Variants in CLTC observed in about 807,000 individuals in gnomAD.
CLTC encodes the protein clathrin heavy chain.
CLTC carries 16 observed loss-of-function variants against 195.8 expected under a neutral mutation model. The ratio of observed to expected loss-of-function variants is 0.08; its 90% confidence interval spans 0.06 to 0.12. The LOEUF is 0.12. Ranked by LOEUF, CLTC falls within the 10% of genes least tolerant of loss-of-function variation. The probability of loss-of-function intolerance (pLI) is 1.00; values close to 1 mark genes in which losing one functional copy is unlikely to be tolerated. For missense variants in CLTC, 796 were observed against 2,027.0 expected, an observed-to-expected ratio of 0.39 and a Z score of 11.66; for synonymous variants, 667 against 689.4, an observed-to-expected ratio of 0.97 and a Z score of 0.51.
chr17:59,693,878 C>T lies in CLTC; in HGVS notation c.*26C>T. On this transcript the variant is annotated 3_prime_UTR_variant, in exon 32 of 32. Transcript: ENST00000269122. ...GATGAAGCGCTGATCCTGTAGTCAC[C>T]TATTTTCGTACTGAAACATCGTCTT... 1 of 1,585,072 alleles carries T rather than the reference C, an allele frequency of 6.3e-7. No homozygotes were observed. Among genetic ancestry groups the T allele is most frequent in the East Asian group, 2.3e-5 (1 of 43,028 alleles).
rs747732580 is a variant in CLTC at position 59,695,029 on chromosome 17, C to T, written c.*1177C>T. The T allele has an allele frequency of 2.1e-4, 44 of 211,714 alleles. No homozygotes were observed. The highest frequency in any genetic ancestry group is 1.5e-3 in the Middle Eastern group (1 of 676). 13.1% of individuals were successfully genotyped at this position (211,714 alleles called of 1,614,324 possible). On this transcript the variant is annotated 3_prime_UTR_variant, in exon 32 of 32. Coordinates refer to ENST00000269122, the MANE Select transcript of CLTC (RefSeq NM_004859.4). ...CTCCAATATTTTAACCAAGTGACACCGAGGTTTTTATCGAAGCATTTCACT... is the reference window on the plus strand; with the variant it reads ...CTCCAATATTTTAACCAAGTGACACTGAGGTTTTTATCGAAGCATTTCACT...
chr17:59,696,191 C>A lies in CLTC; in HGVS notation c.*2339C>A. 9.1e-6 allele frequency: 2 copies of A among 219,880 alleles called. No individual in the cohort carries two copies. The highest frequency in any genetic ancestry group is 1.8e-5 in the Non-Finnish European group (2 of 109,642). The allele number at this position is 219,880 out of a possible 1,614,324, so 13.6% of individuals were successfully genotyped here. ...GTTGCATTTTGTTGCATCACTTTTG[C>A]AGCCAGTAAACATTCTGTTTAGAAA... On this transcript the variant is annotated 3_prime_UTR_variant, in exon 32 of 32. Transcript: ENST00000269122.
intron 31 of CLTC, among the ~76,000 whole-genome samples, chr17:59,690,994 A>G (rs2033284493): frequency 1.3e-5 from 2 of 152,236 alleles, no homozygotes; most frequent in African/African-American, 2.4e-5. Context: ...CTCATAAATT[A>G]CTGAAAAAGA....
At position 59,657,040 on chromosome 17, in the gene CLTC, T is replaced by A. The variant is rs2032488050; in HGVS notation, c.969+1013T>A. On this transcript the variant is annotated intron_variant, in intron 6 of 31. Transcript: ENST00000269122. The stretch of plus-strand genomic sequence containing the variant: ...TTTTCTGAAAAATGGCTAAACATTT[T>A]AAAAATACTGTTACTGGTCTTGCCT... 2.0e-5 allele frequency among the ~76,000 whole-genome samples: 3 copies of A among 152,318 alleles called. No individual in the cohort carries two copies. In the South Asian group the frequency reaches 6.2e-4, roughly 32 times the overall value.
chr17:59,620,206 GAGA>G, intron 1 of CLTC, 33 bp downstream of exon 1: 5 of 1,612,728 alleles, frequency 3.1e-6, no homozygotes, highest in Non-Finnish European at 4.2e-6. Flanking sequence ...GAGGGCTGTG[GAGA>G]AGGTGGTAGG....
chr17:59,668,672 TA>T (rs2032783125), intron 13 of CLTC, 104 bp from the exon 14 acceptor site: 4 of 944,536 alleles, frequency 4.2e-6, no homozygotes, highest in Admixed American at 6.5e-5. Flanking sequence ...GCAACCAACT[TA>T]TATTTGGGAG....
chr17:59,690,662 A>G lies in CLTC; in HGVS notation c.4854A>G (p.Ser1618=). The part of the protein sequence containing the change: ...TKVDKLDASE[S]LRKEEEQATE... ...TGGATAAATTAGATGCTTCAGAATC[A>G]CTGAGAAAAGAAGAAGAACAAGCTA... The change falls in exon 31 of 32, where the codon TCA becomes TCG. Residue 1618 remains serine, a synonymous_variant. Coordinates refer to ENST00000269122, the MANE Select transcript of CLTC (RefSeq NM_004859.4). The G allele has an allele frequency of 1.2e-6, 2 of 1,613,354 alleles. No individual in the cohort carries two copies. Among genetic ancestry groups the G allele is most frequent in the Non-Finnish European group, 1.7e-6 (2 of 1,179,606 alleles).
At chr17:59,665,603 C>A (rs575015144) in intron 10 of CLTC, among the ~76,000 whole-genome samples, 56 of 152,144 alleles carry the variant, frequency 3.7e-4, no homozygotes, top group African/African-American at 1.2e-3. Flanking sequence ...CTTTGGGAGG[C>A]TGAGGTGGGC....
chr17:59,658,124 A>G (rs927799769), intron 6 of CLTC, among the ~76,000 whole-genome samples: 2 of 151,886 alleles, frequency 1.3e-5, no homozygotes, highest in African/African-American at 4.8e-5. Flanking sequence ...AATTGCTTGA[A>G]CCCATGAGGC....
chr17:59,673,543 G>A, intron 14 of CLTC, 104 bp from the exon 15 acceptor site: 4 of 793,018 alleles, frequency 5.0e-6, no homozygotes, highest in East Asian at 2.6e-5. Flanking sequence ...AGCTATGTTT[G>A]TGTGAGCCTC....
At position 59,666,604 on chromosome 17, in the gene CLTC, T is replaced by C; in HGVS notation, c.1907T>C (p.Ile636Thr). The change falls in exon 12 of 32, where the codon ATA (isoleucine) becomes ACA (threonine). Residue 636 changes from isoleucine to threonine, a missense_variant. Transcript: ENST00000269122. The surrounding 1 kb of genome is among the most constrained non-coding windows in gnomAD (Gnocchi z 4.9). ...ALEHFTDLYD[I>T]KRAVVHTHLL... ...GAACATTTCACTGATTTATATGATA[T>C]AAAACGTGCAGTGGTTCACACCCAT... is the stretch of plus-strand genomic sequence containing the variant. 1 of 1,614,026 alleles carries C rather than the reference T, an allele frequency of 6.2e-7. No individual in the cohort carries two copies. Among genetic ancestry groups the C allele is most frequent in the Non-Finnish European group, 8.5e-7 (1 of 1,179,962 alleles).
chr17:59,674,577 A>C lies in CLTC; in HGVS notation c.2419-124A>C, dbSNP rs2032923826. On this transcript the variant is annotated intron_variant, in intron 15 of 31. Transcript: ENST00000269122. Reference sequence around the variant, plus strand: ...ATTTAGACCCTCAGTTTATTACTGAATTTAAAAACTGAACTTAAAGAAAAA... The same window carrying C: ...ATTTAGACCCTCAGTTTATTACTGACTTTAAAAACTGAACTTAAAGAAAAA... 3 of 837,192 alleles carry C rather than the reference A, an allele frequency of 3.6e-6. No individual in the cohort carries two copies. In the East Asian group the frequency reaches 8.4e-5, roughly 23 times the overall value. 51.9% of individuals were successfully genotyped at this position (837,192 alleles called of 1,614,324 possible). A position where few individuals can be genotyped will look rare whatever the true frequency, so the allele number is the denominator to read the frequency against.
chr17:59,667,642 TC>T (rs1376875870), intron 13 of CLTC, among the ~76,000 whole-genome samples: 1 of 152,196 alleles, frequency 6.6e-6, no homozygotes, highest in Admixed American at 6.5e-5. Flanking sequence ...AGAGGGGTGT[TC>T]CTGTACATGT....
At chr17:59,653,547 C>A (rs1038785927) in intron 5 of CLTC, among the ~76,000 whole-genome samples, 2 of 150,996 alleles carry the variant, frequency 1.3e-5, no homozygotes, top group African/African-American at 4.9e-5. Context: ...CTCTTTCTTT[C>A]CCTTTCCCTC....
intron 1 of CLTC, among the ~76,000 whole-genome samples, chr17:59,635,174 A>G (rs1369776368): frequency 6.6e-6 from 1 of 151,662 alleles, no homozygotes; most frequent in African/African-American, 2.4e-5. Flanking sequence ...AAATAGCTCC[A>G]TCTGAAAAAC....
At chr17:59,620,922 C>T (rs1319152748) in intron 1 of CLTC, among the ~76,000 whole-genome samples, 2 of 152,148 alleles carry the variant, frequency 1.3e-5, no homozygotes, top group Admixed American at 6.5e-5. Flanking sequence ...GGCTCTTAAC[C>T]CCTCTTTGGT....
chr17:59,674,998 CT>C (rs575649163), intron 16 of CLTC, among the ~76,000 whole-genome samples, 155 bp downstream of exon 16: 32 of 152,216 alleles, frequency 2.1e-4, no homozygotes, highest in Non-Finnish European at 4.4e-4. Context: ...GCTAATAGCA[CT>C]GGGAAAAAAT....
intron 16 of CLTC, among the ~76,000 whole-genome samples, chr17:59,675,223 TA>T (rs1171003574): frequency 2.0e-5 from 3 of 152,022 alleles, no homozygotes; most frequent in African/African-American, 7.2e-5. Context: ...GAAAGCTGAT[TA>T]AAAAAAACAG....
chr17:59,664,746 T>A lies in CLTC; in HGVS notation c.1522-41T>A, dbSNP rs761864480. ...AAAAAGTCTTTAAATGCTATAAAAT[T>A]GAAACTTAGGAGCAGCGTTTAAGTC... On this transcript the variant is annotated intron_variant, in intron 9 of 31. Transcript: ENST00000269122. The A allele has an allele frequency of 6.9e-6, 11 of 1,590,808 alleles. No individual in the cohort carries two copies. In the South Asian group the frequency reaches 1.0e-4, roughly 15 times the overall value.
Sources: gnomAD v4.1 joint callset for allele counts (sites outside exome capture counted in the v4.1 genomes callset) on GRCh38, gnomAD v4.1.1 for gene constraint, Gnocchi (gnomAD v3.1) non-coding constraint, MANE v1.5 for transcripts, NCBI Gene and HGNC (gene_info 2026-07-23, HGNC 2026-07-21) for gene names.